CACNG3: variants seen among roughly 807,000 people sequenced by gnomAD.
CACNG3 encodes the protein voltage-dependent calcium channel gamma-3 subunit.
In CACNG3, 3 loss-of-function variants were observed where a neutral mutation model predicts 28.5. The ratio of observed to expected loss-of-function variants is 0.11; its 90% CI spans 0.05 to 0.27. The LOEUF (loss-of-function observed/expected upper bound fraction) is 0.27. CACNG3 is among the 10% of genes least tolerant of loss of function. The probability of loss-of-function intolerance (pLI) is 1.00; values close to 1 mark genes in which losing one functional copy is unlikely to be tolerated. For synonymous variants in CACNG3, 174 were observed against 162.2 expected, an observed-to-expected ratio of 1.07 and a Z score of -0.55; for missense variants, 236 against 414.4, an observed-to-expected ratio of 0.57 and a Z score of 3.74.
At chr16:24,310,716 G>A (rs184848357) in intron 1 of CACNG3, among the ~76,000 whole-genome samples, 11 of 152,290 alleles carry the variant, frequency 7.2e-5, no homozygotes, top group Non-Finnish European at 1.0e-4. Context: ...GGAAATTGAG[G>A]CACAGAGTGG....
rs889893580 is a variant in CACNG3, at chr16:24,356,313, T to C, written c.436+1340T>C. ...GAGGAAGAGTGGCTTGCAACCCCCC[T>C]GGATTTCAATCCTGGATCCACCAAT... On this transcript the variant is annotated intron_variant, in intron 3 of 3. Coordinates refer to ENST00000005284, the MANE Select transcript of CACNG3 (RefSeq NM_006539.4). Among the ~76,000 whole-genome samples the C allele has an allele frequency of 2.6e-5, 4 of 152,252 alleles. No individual in the cohort carries two copies. The South Asian group carries it at 8.3e-4, about 32-fold the overall frequency.
chr16:24,304,262 G>A (rs1362679389), intron 1 of CACNG3, among the ~76,000 whole-genome samples: 1 of 152,110 alleles, frequency 6.6e-6, no homozygotes, highest in Non-Finnish European at 1.5e-5. Context: ...GATTTTTTTG[G>A]ACTTCCTAAT....
intron 1 of CACNG3, among the ~76,000 whole-genome samples, chr16:24,294,469 T>C (rs1027186700): frequency 6.6e-6 from 1 of 152,138 alleles, no homozygotes; most frequent in Non-Finnish European, 1.5e-5. Context: ...ATTGTCTTTA[T>C]AGCCAGGGGA....
intron 1 of CACNG3, among the ~76,000 whole-genome samples, chr16:24,292,443 AAGAC>A (rs1231412552): frequency 6.6e-6 from 1 of 152,134 alleles, no homozygotes; most frequent in African/African-American, 2.4e-5. Flanking sequence ...TTTTGACATA[AAGAC>A]AGCCTAGTCT....
At chr16:24,319,978 C>T (rs924205063) in intron 1 of CACNG3, among the ~76,000 whole-genome samples, 1 of 152,162 alleles carries the variant, frequency 6.6e-6, no homozygotes, top group African/African-American at 2.4e-5. Flanking sequence ...ACCATGTTGG[C>T]CAGGCTGGTC....
chr16:24,355,231 A>T (rs1423586714), intron 3 of CACNG3, among the ~76,000 whole-genome samples: 2 of 152,136 alleles, frequency 1.3e-5, no homozygotes, highest in Non-Finnish European at 2.9e-5. Flanking sequence ...AGGGAAGAAG[A>T]AAGGGGCAGG....
chr16:24,312,322 G>C (rs941570961), intron 1 of CACNG3, among the ~76,000 whole-genome samples: 1 of 152,150 alleles, frequency 6.6e-6, no homozygotes, highest in African/African-American at 2.4e-5. Context: ...TCCTGATTTG[G>C]TGAATTGCAT....
At chr16:24,300,436 G>C (rs1596633552) in intron 1 of CACNG3, among the ~76,000 whole-genome samples, 1 of 152,032 alleles carries the variant, frequency 6.6e-6, no homozygotes, top group East Asian at 1.9e-4. Context: ...CAGGTCTTCT[G>C]ATTCTGGGGG....
At chr16:24,282,805 A>G (rs1185288192) in intron 1 of CACNG3, among the ~76,000 whole-genome samples, 2 of 150,560 alleles carry the variant, frequency 1.3e-5, no homozygotes, top group Non-Finnish European at 3.0e-5. Flanking sequence ...TTTTCTTTTA[A>G]TCTATATTTC....
intron 1 of CACNG3, among the ~76,000 whole-genome samples, chr16:24,319,245 T>C (rs1899425220): frequency 6.6e-6 from 1 of 152,182 alleles, no homozygotes; most frequent in Non-Finnish European, 1.5e-5. Flanking sequence ...TAGTGAACTA[T>C]GCGCATATTT....
At position 24,305,787 on chromosome 16, in the gene CACNG3, A is replaced by G. The variant is rs1173603932; in HGVS notation, c.212-40947A>G. ...TGTAACAAACCTGCACATTCTGCAC[A>G]TGTATCCCAGAACTTAAAGTAAAAT... On this transcript the variant is annotated intron_variant, in intron 1 of 3. Transcript: ENST00000005284. Among the ~76,000 whole-genome samples the G allele has an allele frequency of 2.0e-5, 3 of 152,324 alleles. No homozygotes were observed. In the East Asian group the frequency reaches 5.8e-4, roughly 29 times the overall value.
intron 1 of CACNG3, among the ~76,000 whole-genome samples, chr16:24,312,877 G>GA (rs1217300212): frequency 8.3e-6 from 1 of 120,464 alleles, no homozygotes. Context: ...AGGAAGGAAA[G>GA]AAAAAAAAGA....
At chr16:24,347,981 T>G (rs1051858185) in intron 2 of CACNG3, among the ~76,000 whole-genome samples, 1 of 152,222 alleles carries the variant, frequency 6.6e-6, no homozygotes, top group African/African-American at 2.4e-5. Context: ...CTCCCGTTTC[T>G]TGCATGGGAT....
At chr16:24,313,073 G>GGAAGGAAGGAAGGA (rs1555460277) in intron 1 of CACNG3, among the ~76,000 whole-genome samples, 1 of 137,924 alleles carries the variant, frequency 7.3e-6, no homozygotes, top group African/African-American at 2.8e-5. Context: ...GCGAGGGAGG[G>GGAAGGAAGGAAGGA]AGGAAGGAAG....
At chr16:24,259,315 A>G (rs941686711) in intron 1 of CACNG3, among the ~76,000 whole-genome samples, 11 of 152,326 alleles carry the variant, frequency 7.2e-5, no homozygotes, top group Admixed American at 2.6e-4. Flanking sequence ...TGTGTACTAA[A>G]CACATCAAGT....
intron 1 of CACNG3, among the ~76,000 whole-genome samples, chr16:24,312,983 A>AAAG (rs1567216171): frequency 1.4e-4 from 20 of 146,028 alleles, no homozygotes; most frequent in Admixed American, 6.8e-4. Flanking sequence ...AGAAAGAAAT[A>AAAG]AAAGAAAGAA....
At chr16:24,330,677 A>C (rs947410363) in intron 1 of CACNG3, among the ~76,000 whole-genome samples, 6 of 152,196 alleles carry the variant, frequency 3.9e-5, no homozygotes, top group Non-Finnish European at 8.8e-5. Context: ...CAATTTTTCC[A>C]GGCACCTCTG....
chr16:24,348,237 A>AG (rs1899895692), intron 2 of CACNG3, among the ~76,000 whole-genome samples: 1 of 144,582 alleles, frequency 6.9e-6, no homozygotes, highest in African/African-American at 2.8e-5. Context: ...AACTCTACAG[A>AG]ATTTTTTTTT....
intron 1 of CACNG3, among the ~76,000 whole-genome samples, chr16:24,280,442 A>G (rs1343874808): frequency 6.6e-6 from 1 of 152,170 alleles, no homozygotes; most frequent in Non-Finnish European, 1.5e-5. Flanking sequence ...ATTCGGATGA[A>G]GGATCGTCAT....
Sources: gnomAD v4.1 joint callset for allele counts (sites outside exome capture counted in the v4.1 genomes callset) on GRCh38, gnomAD v4.1.1 for gene constraint, MANE v1.5 for transcripts, NCBI Gene and HGNC (gene_info 2026-07-23, HGNC 2026-07-21) for gene names.